JAKMIP2: variants seen among roughly 807,000 people sequenced by gnomAD.
JAKMIP2 encodes janus kinase and microtubule-interacting protein 2.
In JAKMIP2, 25 loss-of-function variants were observed where a neutral mutation model predicts 115.0. That is an observed-to-expected ratio of 0.22 (90% CI 0.16 to 0.30). JAKMIP2 has a LOEUF of 0.30. Ranked by LOEUF, JAKMIP2 falls within the 10% of genes least tolerant of loss-of-function variation. The probability of loss-of-function intolerance (pLI) is 1.00; values close to 1 mark genes in which losing one functional copy is unlikely to be tolerated. For synonymous variants in JAKMIP2, 334 were observed against 343.6 expected, an observed-to-expected ratio of 0.97 and a Z score of 0.31; for missense variants, 642 against 957.6, an observed-to-expected ratio of 0.67 and a Z score of 4.35.
chr5:147,671,166 G>T (rs904460236), intron 2 of JAKMIP2, among the ~76,000 whole-genome samples: 1 of 151,850 alleles, frequency 6.6e-6, no homozygotes, highest in Non-Finnish European at 1.5e-5. Context: ...TCGAGAGAGA[G>T]AAGTGGGAGA....
intron 1 of JAKMIP2, among the ~76,000 whole-genome samples, chr5:147,722,410 C>A (rs1753349680): frequency 6.6e-6 from 1 of 152,138 alleles, no homozygotes; most frequent in African/African-American, 2.4e-5. Context: ...ACCTGCTTTG[C>A]ACGTGTGAGG....
intron 1 of JAKMIP2, among the ~76,000 whole-genome samples, chr5:147,756,486 C>T (rs984094788): frequency 2.6e-5 from 4 of 152,116 alleles, no homozygotes; most frequent in East Asian, 1.9e-4. Flanking sequence ...AGACCTTGCT[C>T]GGCATGATGT....
chr5:147,737,573 A>G (rs192351045), intron 1 of JAKMIP2, among the ~76,000 whole-genome samples: 2 of 152,340 alleles, frequency 1.3e-5, no homozygotes, highest in African/African-American at 4.8e-5. Context: ...GCTATTTAAA[A>G]TAATATTATT....
At chr5:147,659,281 G>A (rs1758838286) in intron 3 of JAKMIP2, among the ~76,000 whole-genome samples, 1 of 152,158 alleles carries the variant, frequency 6.6e-6, no homozygotes, top group Non-Finnish European at 1.5e-5. Context: ...CTTTGCTGGA[G>A]GAAGGAGGTC....
chr5:147,782,409 T>TA, intron 1 of JAKMIP2, 47 bp downstream of exon 1: 1 of 1,530,092 alleles, frequency 6.5e-7, no homozygotes, highest in Non-Finnish European at 8.8e-7. Context: ...ACAGGTCAAA[T>TA]AAGAACACTC....
intron 1 of JAKMIP2, among the ~76,000 whole-genome samples, chr5:147,736,475 A>G (rs1468004604): frequency 6.6e-6 from 1 of 152,104 alleles, no homozygotes. Flanking sequence ...AAATAATTAA[A>G]AATTAAAAAA....
chr5:147,680,415 A>G (rs1760198208), intron 1 of JAKMIP2, among the ~76,000 whole-genome samples: 1 of 152,162 alleles, frequency 6.6e-6, no homozygotes, highest in East Asian at 1.9e-4. Context: ...AAGCTGAATA[A>G]AGTCATTATT....
At chr5:147,633,661 T>G (rs1044347266) in intron 12 of JAKMIP2, among the ~76,000 whole-genome samples, 2 of 152,188 alleles carry the variant, frequency 1.3e-5, no homozygotes, top group East Asian at 3.9e-4. Flanking sequence ...CACCTTCCCC[T>G]GTAGACAGGG....
Position 147,612,161 on chromosome 5 carries a change from A to AG in JAKMIP2, c.2412+144dup, listed in dbSNP as rs760794269. On this transcript the variant is annotated intron_variant, in intron 20 of 21. Coordinates refer to ENST00000616793, the MANE Select transcript of JAKMIP2 (RefSeq NM_001270941.2). ...CTTTGCTGGCATTCTGTTTGACTGAAGGTGAAAGCTAGGTTTACTGTAACT... is the reference window on the plus strand; with the variant it reads ...CTTTGCTGGCATTCTGTTTGACTGAAGGGTGAAAGCTAGGTTTACTGTAACT... 2.3e-5 allele frequency: 17 copies of AG among 750,118 alleles called. No homozygotes were observed. In the African/African-American group the frequency reaches 2.6e-4, roughly 11 times the overall value. The allele number at this position is 750,118 out of a possible 1,614,324, so 46.5% of individuals were successfully genotyped here.
chr5:147,768,100 AT>A (rs1755217519), intron 1 of JAKMIP2, among the ~76,000 whole-genome samples: 1 of 152,042 alleles, frequency 6.6e-6, no homozygotes, highest in Non-Finnish European at 1.5e-5. Flanking sequence ...TGTAAACTCA[AT>A]TTTCATGCAT....
At chr5:147,657,691 C>G (rs1434010570) in intron 3 of JAKMIP2, among the ~76,000 whole-genome samples, 1 of 151,996 alleles carries the variant, frequency 6.6e-6, no homozygotes, top group Non-Finnish European at 1.5e-5. Flanking sequence ...CTTGGAGGCT[C>G]TGTTCATTCC....
At chr5:147,601,443 A>T (rs1018013426) in intron 21 of JAKMIP2, among the ~76,000 whole-genome samples, 5 of 152,022 alleles carry the variant, frequency 3.3e-5, no homozygotes, top group Non-Finnish European at 5.9e-5. Flanking sequence ...ATAATAATAA[A>T]AAAAAATTAG....
chr5:147,585,513 A>G lies in JAKMIP2; in HGVS notation c.*6194T>C, dbSNP rs1754831488. ...GTTCATCGATTCCTATATTAAATAC[A>G]TAAATTATAAAATAACCATTCATAA... On this transcript the variant is annotated 3_prime_UTR_variant, in exon 22 of 22. Transcript: ENST00000616793. 6.6e-6 allele frequency: 1 copy of G among 152,272 alleles called. No homozygotes were observed. Among genetic ancestry groups the G allele is most frequent in the Non-Finnish European group, 1.5e-5 (1 of 68,050 alleles). 9.4% of individuals were successfully genotyped at this position (152,272 alleles called of 1,614,324 possible).
At chr5:147,658,309 C>G (rs772240192) in intron 3 of JAKMIP2, among the ~76,000 whole-genome samples, 4 of 152,162 alleles carry the variant, frequency 2.6e-5, no homozygotes, top group African/African-American at 9.7e-5. Flanking sequence ...AGGTCTATTC[C>G]AGACCCTTAT....
intron 1 of JAKMIP2, among the ~76,000 whole-genome samples, chr5:147,736,995 G>A (rs762018209): frequency 6.6e-6 from 1 of 152,144 alleles, no homozygotes; most frequent in Non-Finnish European, 1.5e-5. Flanking sequence ...CTGACTATCT[G>A]ATGTCAGGCC....
intron 1 of JAKMIP2, among the ~76,000 whole-genome samples, chr5:147,722,466 A>G (rs1459357187): frequency 6.6e-5 from 10 of 152,098 alleles, no homozygotes; most frequent in African/African-American, 2.2e-4. Flanking sequence ...CCTCTTCATG[A>G]TTTCCCAAAT....
chr5:147,779,548 T>A (rs1034798565), intron 1 of JAKMIP2, among the ~76,000 whole-genome samples: 1 of 152,096 alleles, frequency 6.6e-6, no homozygotes, highest in African/African-American at 2.4e-5. Context: ...GACATCATAC[T>A]CCATAAAGCT....
chr5:147,771,154 C>A (rs1409923533), intron 1 of JAKMIP2, among the ~76,000 whole-genome samples: 1 of 152,042 alleles, frequency 6.6e-6, no homozygotes, highest in Non-Finnish European at 1.5e-5. Flanking sequence ...ATCATGTTTT[C>A]ATTAAAAGGG....
Position 147,661,329 on chromosome 5 carries a change from C to T in JAKMIP2, c.246G>A (p.Met82Ile). 1 of 1,614,078 alleles carries T rather than the reference C, an allele frequency of 6.2e-7. No individual in the cohort carries two copies. Among genetic ancestry groups the T allele is most frequent in the Non-Finnish European group, 8.5e-7 (1 of 1,180,032 alleles). ...ELKAKLHEEKMKELQAVRENL... is the reference protein window; with the variant it reads ...ELKAKLHEEKIKELQAVRENL... ...TCTCCCTCACAGCCTGCAGCTCCTT[C>T]ATCTTCTCCTCATGGAGCTTGGCTT... Residue 82 changes from methionine to isoleucine, a missense_variant, in exon 3 of 22, where the codon ATG becomes ATA. Physicochemically the swap from Met to Ile is conservative, Grantham distance 10. This residue lies in a region of JAKMIP2 where 439 missense variants were observed against 570.9 expected (regional missense o/e 0.77). Transcript: ENST00000616793.
Sources: gnomAD v4.1 joint callset for allele counts (sites outside exome capture counted in the v4.1 genomes callset) on GRCh38, gnomAD v4.1.1 for gene constraint, gnomAD v4.1.1 regional missense constraint, MANE v1.5 for transcripts, NCBI Gene and HGNC (gene_info 2026-07-23, HGNC 2026-07-21) for gene names.